Variants in GATB observed in about 807,000 individuals in gnomAD.
GATB encodes the protein glutamyl-tRNA(Gln) amidotransferase subunit B, mitochondrial.
GATB carries 39 observed loss-of-function variants against 62.3 expected under a neutral mutation model. That is an observed-to-expected ratio of 0.63 (90% CI 0.48 to 0.82). GATB has a LOEUF of 0.82. Ranked by LOEUF, GATB falls within the 40% of genes least tolerant of loss-of-function variation. The pLI, the probability that GATB is intolerant of heterozygous loss-of-function variation, is 0.00. For synonymous variants in GATB, 276 were observed against 258.9 expected (o/e 1.07, Z -0.63); for missense variants, 670 against 684.0 (o/e 0.98, Z 0.23).
chr4:151,747,077 A>G (rs1001032112), intron 2 of GATB, among the ~76,000 whole-genome samples: 2 of 152,228 alleles, frequency 1.3e-5, no homozygotes, highest in African/African-American at 4.8e-5. Flanking sequence ...TTATGAGGTT[A>G]GAATAAGTGA....
chr4:151,678,610 C>T (rs560469767), intron 11 of GATB, among the ~76,000 whole-genome samples: 21 of 152,244 alleles, frequency 1.4e-4, no homozygotes, highest in East Asian at 7.7e-4. Context: ...CAGCCTCACT[C>T]GAGGTGGGTA....
At chr4:151,685,668 C>T (rs1738228718) in intron 10 of GATB, among the ~76,000 whole-genome samples, 1 of 152,184 alleles carries the variant, frequency 6.6e-6, no homozygotes, top group African/African-American at 2.4e-5. Flanking sequence ...AACTCTTCAG[C>T]ACGGCTCCTG....
At chr4:151,691,324 T>C (rs1269123550) in intron 9 of GATB, among the ~76,000 whole-genome samples, 1 of 152,170 alleles carries the variant, frequency 6.6e-6, no homozygotes, top group Non-Finnish European at 1.5e-5. Context: ...CTCTAATTGT[T>C]CCTTCAGAGA....
chr4:151,693,153 A>G, intron 9 of GATB, among the ~76,000 whole-genome samples: 1 of 151,688 alleles, frequency 6.6e-6, no homozygotes, highest in East Asian at 1.9e-4. Flanking sequence ...TGAGAAAAAC[A>G]AAACTCAAAT....
At chr4:151,698,099 T>C (rs973341155) in intron 9 of GATB, among the ~76,000 whole-genome samples, 10 of 151,000 alleles carry the variant, frequency 6.6e-5, no homozygotes, top group African/African-American at 2.4e-4. Flanking sequence ...TGTCAAAGCA[T>C]GGTTTATGTA....
chr4:151,673,971 G>C lies in GATB; in HGVS notation c.1411-1075C>G, dbSNP rs532978610. ...AAGGGAGATGCTCTGAGTCTCAGCA[G>C]GGCTCAAAGTCTTCCCCAGTCTGAT... On this transcript the variant is annotated intron_variant, in intron 11 of 12. Transcript: ENST00000263985. The C allele has an allele frequency of 2.0e-5, 3 of 152,366 alleles. No homozygotes were observed. In the South Asian group the frequency reaches 6.2e-4, roughly 32 times the overall value. The allele number at this position is 152,366 out of a possible 1,614,324, so 9.4% of individuals were successfully genotyped here.
intron 11 of GATB, chr4:151,677,187 A>C (rs1229038191): frequency 6.6e-6 from 1 of 152,150 alleles, no homozygotes; most frequent in Non-Finnish European, 1.5e-5. Flanking sequence ...GCTTTCTAAA[A>C]CCCAAGCCAT....
rs1739267615 is a variant in GATB at position 151,731,957 on chromosome 4, AAGT to A, written c.328-12422_328-12420del. On this transcript the variant is annotated intron_variant, in intron 2 of 12. Coordinates refer to ENST00000263985, the MANE Select transcript of GATB (RefSeq NM_004564.3). ...GGGCCAGCCGCCCCGTCCGGGAGGG[AAGT>A]GGGGGGTCAGCCCCTGCCCGGCCAG... is the stretch of plus-strand genomic sequence containing the variant. 1.4e-4 allele frequency among the ~76,000 whole-genome samples: 13 copies of A among 91,230 alleles called. 4 individuals carry two copies. Among genetic ancestry groups the A allele is most frequent in the African/African-American group, 5.5e-4 (10 of 18,046 alleles). 59.9% of individuals were successfully genotyped at this position (91,230 alleles called of 152,430 possible).
At chr4:151,748,647 C>A (rs899419289) in intron 2 of GATB, among the ~76,000 whole-genome samples, 4 of 152,072 alleles carry the variant, frequency 2.6e-5, no homozygotes, top group Admixed American at 6.6e-5. Flanking sequence ...GCAACAAAAG[C>A]CAAAATTGAC....
At position 151,707,971 on chromosome 4, in the gene GATB, C is replaced by T. The variant is rs370063717; in HGVS notation, c.877+17G>A. The T allele has an allele frequency of 3.9e-5, 58 of 1,494,180 alleles. No homozygotes were observed. Among genetic ancestry groups the T allele is most frequent in the African/African-American group, 3.0e-4 (22 of 72,740 alleles). The allele number at this position is 1,494,180 out of a possible 1,614,324, so 92.6% of individuals were successfully genotyped here. Reference sequence around the variant, plus strand: ...ACAATAGGAAGAAGGACACTAGGAGCGGCAGCTGGCATTCACCTATGGCTT... The same window carrying T: ...ACAATAGGAAGAAGGACACTAGGAGTGGCAGCTGGCATTCACCTATGGCTT... On this transcript the variant is annotated intron_variant, in intron 6 of 12. Coordinates refer to ENST00000263985, the MANE Select transcript of GATB (RefSeq NM_004564.3).
chr4:151,727,369 G>A (rs1426234923), intron 2 of GATB, among the ~76,000 whole-genome samples: 1 of 152,200 alleles, frequency 6.6e-6, no homozygotes, highest in African/African-American at 2.4e-5. Context: ...GATACAGTTT[G>A]GTTTGCTTGG....
chr4:151,692,865 G>A (rs900322880), intron 9 of GATB, among the ~76,000 whole-genome samples: 2 of 152,292 alleles, frequency 1.3e-5, no homozygotes, highest in South Asian at 2.1e-4. Flanking sequence ...CTACCTAATT[G>A]AGCAGGTCAT....
At chr4:151,671,706 T>C (rs1485043782) in intron 12 of GATB, among the ~76,000 whole-genome samples, 1 of 152,030 alleles carries the variant, frequency 6.6e-6, no homozygotes, top group Non-Finnish European at 1.5e-5. Flanking sequence ...TCAGCTGAAA[T>C]GTGTGGCTTT....
chr4:151,691,312 G>A (rs956565017), intron 9 of GATB, among the ~76,000 whole-genome samples: 9 of 152,080 alleles, frequency 5.9e-5, no homozygotes, highest in African/African-American at 1.4e-4. Flanking sequence ...GGCTGACTGC[G>A]ACTCTAATTG....
chr4:151,716,504 C>A (rs145895263), intron 4 of GATB, among the ~76,000 whole-genome samples: 1 of 152,048 alleles, frequency 6.6e-6, no homozygotes, highest in Admixed American at 6.6e-5. Context: ...TCAAACTCTG[C>A]GTACAGTGAT....
chr4:151,738,057 G>T (rs1010134975), intron 2 of GATB, among the ~76,000 whole-genome samples: 1 of 152,150 alleles, frequency 6.6e-6, no homozygotes, highest in South Asian at 2.1e-4. Context: ...GCTGTGAGAG[G>T]AGGGCCACCT....
chr4:151,681,839 G>GT (rs1738144292), intron 10 of GATB, among the ~76,000 whole-genome samples: 1 of 152,208 alleles, frequency 6.6e-6, no homozygotes, highest in Non-Finnish European at 1.5e-5. Flanking sequence ...TCTGCATGTG[G>GT]TGGAAGGAGC....
intron 9 of GATB, among the ~76,000 whole-genome samples, chr4:151,699,915 G>C (rs1738564748): frequency 6.6e-6 from 1 of 152,186 alleles, no homozygotes; most frequent in African/African-American, 2.4e-5. Context: ...CCTGCTGAGT[G>C]GAGGGAGGTA....
At position 151,722,238 on chromosome 4, in the gene GATB, G is replaced by C; in HGVS notation, c.328-2700C>G. 4.3e-6 allele frequency: 3 copies of C among 702,348 alleles called. No homozygotes were observed. The East Asian group carries it at 8.1e-5, about 19-fold the overall frequency. 43.5% of individuals were successfully genotyped at this position (702,348 alleles called of 1,614,324 possible). A position where few individuals can be genotyped will look rare whatever the true frequency, so the allele number is the denominator to read the frequency against. On this transcript the variant is annotated intron_variant, in intron 2 of 12. Coordinates refer to ENST00000263985, the MANE Select transcript of GATB (RefSeq NM_004564.3). ...ACTCTGAAAAAAAAAATTCTTAAAT[G>C]TCTATAAAGCACTAAACTTTAGGGG...
Sources: allele counts gnomAD v4.1 joint callset (sites outside exome capture counted in the v4.1 genomes callset), GRCh38; gene constraint gnomAD v4.1.1; transcripts MANE v1.5; gene names NCBI Gene and HGNC (gene_info 2026-07-23, HGNC 2026-07-21).